NXPE4: variants seen among roughly 807,000 people sequenced by gnomAD.
NXPE4 encodes the protein neurexophilin and PC-esterase domain family member 4.
In NXPE4, 42 loss-of-function variants were observed where a neutral mutation model predicts 33.3. The observed-to-expected ratio is 1.26, with a 90% CI of 0.98 to 1.63. The LOEUF (loss-of-function observed/expected upper bound fraction) is 1.63, where lower values mean the gene tolerates loss of function less well. NXPE4 is among the 40% of genes most tolerant of loss of function. The probability of loss-of-function intolerance (pLI) is 0.00; values close to 1 mark genes in which losing one functional copy is unlikely to be tolerated. For missense variants in NXPE4, 709 were observed against 647.6 expected, an observed-to-expected ratio of 1.09 and a Z score of -1.03; for synonymous variants, 253 against 234.9, an observed-to-expected ratio of 1.08 and a Z score of -0.71.
the NXPE4 span, among the ~76,000 whole-genome samples, chr11:114,663,686 CTATCTA>C: frequency 6.9e-4 from 101 of 146,350 alleles, no homozygotes; most frequent in African/African-American, 2.7e-3. Context: ...ATTTATCTAT[CTATCTA>C]TCTATCTATC....
chr11:114,579,262 G>A (rs909108911), intron 5 of NXPE4, among the ~76,000 whole-genome samples: 1 of 152,140 alleles, frequency 6.6e-6, no homozygotes, highest in Non-Finnish European at 1.5e-5. Context: ...ATTACCATGG[G>A]GAGGGCACCA....
chr11:114,626,678 C>T, the NXPE4 span, among the ~76,000 whole-genome samples: 2 of 152,218 alleles, frequency 1.3e-5, no homozygotes, highest in African/African-American at 4.8e-5. Flanking sequence ...CGGAGAATGA[C>T]TTTGATGAGC....
In NXPE4 at chr11:114,594,693, T is replaced by C; in HGVS notation, c.67A>G (p.Ile23Val). ...GTGGAGTTCTGGAAAACTGTAAAAA[T>C]GATCCAGGAGGCTAATATAAACAAC... ...ALLFILASWI[I>V]FTVFQNSTKV... Residue 23 changes from isoleucine to valine, a missense_variant, in exon 2 of 6, where the codon ATT (isoleucine) becomes GTT (valine). Coordinates refer to ENST00000375478, the MANE Select transcript of NXPE4 (RefSeq NM_001077639.2). 1 of 1,603,744 alleles carries C rather than the reference T, an allele frequency of 6.2e-7. No homozygotes were observed.
At chr11:114,629,187 T>C in the NXPE4 span, among the ~76,000 whole-genome samples, 19 of 152,024 alleles carry the variant, frequency 1.2e-4, 1 homozygote, top group Non-Finnish European at 1.9e-4. Context: ...CCAGCATCAT[T>C]CTGATACCAA....
chr11:114,618,701 G>A, the NXPE4 span, among the ~76,000 whole-genome samples: 1 of 152,036 alleles, frequency 6.6e-6, no homozygotes, highest in Non-Finnish European at 1.5e-5. Context: ...AATAAGTGCT[G>A]TGTCGTGGGT....
At chr11:114,617,525 G>T in the NXPE4 span, among the ~76,000 whole-genome samples, 4 of 152,236 alleles carry the variant, frequency 2.6e-5, no homozygotes, top group African/African-American at 9.6e-5. Context: ...AATACGTGTT[G>T]CCTCGTGGCT....
intron 5 of NXPE4, among the ~76,000 whole-genome samples, chr11:114,572,130 G>A (rs915991217): frequency 5.3e-5 from 8 of 152,078 alleles, no homozygotes; most frequent in African/African-American, 1.9e-4. Flanking sequence ...GCTCCACTGG[G>A]TTGCGAGACT....
chr11:114,632,135 T>C, the NXPE4 span, among the ~76,000 whole-genome samples: 72 of 143,652 alleles, frequency 5.0e-4, no homozygotes, highest in African/African-American at 1.7e-3. Context: ...ATAAAATATA[T>C]TATAATTTAT....
chr11:114,594,824 A>C, intron 1 of NXPE4, 55 bp from the exon 2 acceptor site: 2 of 917,680 alleles, frequency 2.2e-6, no homozygotes, highest in Non-Finnish European at 3.4e-6. Context: ...ACAGAAAAGC[A>C]AACAAACATG....
At chr11:114,596,511 A>G (rs1243680328), upstream of NXPE4, among the ~76,000 whole-genome samples, 1 of 152,194 alleles carries the variant, frequency 6.6e-6, no homozygotes, top group Non-Finnish European at 1.5e-5. Context: ...TGGAATCAAG[A>G]CCAGTTTCAC....
At chr11:114,584,357 A>G (rs1949234446) in intron 2 of NXPE4, 1 of 420,984 alleles carries the variant, frequency 2.4e-6, no homozygotes, top group Non-Finnish European at 4.8e-6. Context: ...TGGCTGTTTG[A>G]GAACCTAGTA....
chr11:114,627,607 T>C, the NXPE4 span, among the ~76,000 whole-genome samples: 2 of 150,860 alleles, frequency 1.3e-5, no homozygotes, highest in Non-Finnish European at 2.9e-5. Context: ...AGAAACTGTA[T>C]CAACTAACGA....
chr11:114,661,906 A>G, the NXPE4 span, among the ~76,000 whole-genome samples: 1 of 152,146 alleles, frequency 6.6e-6, no homozygotes, highest in African/African-American at 2.4e-5. Context: ...TGAAGGTGCA[A>G]AGGCAATTCA....
chr11:114,663,678 T>TATCTATCTATC, the NXPE4 span, among the ~76,000 whole-genome samples: 6 of 145,940 alleles, frequency 4.1e-5, no homozygotes, highest in Admixed American at 2.1e-4. Context: ...ATCTATCTAT[T>TATCTATCTATC]TATCTATCTA....
chr11:114,599,120 G>C (rs769982536), upstream of NXPE4, among the ~76,000 whole-genome samples: 2 of 152,022 alleles, frequency 1.3e-5, no homozygotes, highest in Non-Finnish European at 2.9e-5. Context: ...GCTGCTTCTT[G>C]AACACTTTGC....
At chr11:114,638,934 A>G in the NXPE4 span, among the ~76,000 whole-genome samples, 1 of 150,740 alleles carries the variant, frequency 6.6e-6, no homozygotes, top group Non-Finnish European at 1.5e-5. Flanking sequence ...CCACTTGAGG[A>G]GGCAGTCTGC....
At chr11:114,601,208 T>C in the NXPE4 span, among the ~76,000 whole-genome samples, 2 of 151,414 alleles carry the variant, frequency 1.3e-5, no homozygotes, top group South Asian at 4.1e-4. Context: ...GCATACATTT[T>C]ACCCAATAAG....
chr11:114,625,433 G>T, the NXPE4 span, among the ~76,000 whole-genome samples: 1 of 152,076 alleles, frequency 6.6e-6, no homozygotes, highest in Non-Finnish European at 1.5e-5. Context: ...CTACCACATG[G>T]ATAATAAGTA....
chr11:114,630,232 AG>A, the NXPE4 span, among the ~76,000 whole-genome samples: 1 of 151,866 alleles, frequency 6.6e-6, no homozygotes, highest in East Asian at 1.9e-4. Flanking sequence ...CTGAGTCAAA[AG>A]AACAAAGCTG....
Sources: allele counts gnomAD v4.1 joint callset (sites outside exome capture counted in the v4.1 genomes callset), GRCh38; gene constraint gnomAD v4.1.1; transcripts MANE v1.5; gene names NCBI Gene and HGNC (gene_info 2026-07-23, HGNC 2026-07-21).